LRP2: variants seen among roughly 807,000 people sequenced by gnomAD.
The protein encoded by LRP2 is LDL receptor related protein 2.
LRP2 carries 172 observed loss-of-function variants against 531.0 expected under a neutral mutation model. The ratio of observed to expected loss-of-function variants is 0.32; its 90% CI spans 0.29 to 0.37. The LOEUF (loss-of-function observed/expected upper bound fraction) is 0.37, where lower values mean the gene tolerates loss of function less well. Among genes scored for constraint, LRP2 ranks in the 10% least tolerant of loss-of-function variants. The pLI is 1.00. For missense variants in LRP2, 5,167 were observed against 5,868.3 expected, an observed-to-expected ratio of 0.88 and a Z score of 3.90; for synonymous variants, 1,992 against 2,027.6, an observed-to-expected ratio of 0.98 and a Z score of 0.47.
chr2:169,140,138 C>T (rs1241062785), intron 72 of LRP2, among the ~76,000 whole-genome samples: 2 of 152,312 alleles, frequency 1.3e-5, no homozygotes, highest in African/African-American at 2.4e-5. Context: ...AATGCTGCTG[C>T]CAATTCTCTA....
chr2:169,231,743 A>G lies in LRP2; in HGVS notation c.5198T>C (p.Leu1733Pro), dbSNP rs1689412334. ...YSCVCPSGWS[L>P]SPDLLNCLRD... Reference sequence around the variant, plus strand: ...CAAGCAATTCAGGAGATCAGGAGACAGACTCCATCCTGAAGGACAAACACA... The same window carrying G: ...CAAGCAATTCAGGAGATCAGGAGACGGACTCCATCCTGAAGGACAAACACA... The change falls in exon 31 of 79, where the codon CTG becomes CCG. Residue 1733 changes from leucine (L) to proline (P), a missense_variant. Leu to Pro is a moderately conservative substitution (Grantham distance 98). Coordinates refer to ENST00000649046, the MANE Select transcript of LRP2 (RefSeq NM_004525.3). 1.2e-6 allele frequency: 2 copies of G among 1,614,130 alleles called. No homozygotes were observed. The highest frequency in any genetic ancestry group is 1.7e-6 in the Non-Finnish European group (2 of 1,179,976).
Position 169,205,586 on chromosome 2 carries a change from T to C in LRP2, c.7608A>G (p.Thr2536=), listed in dbSNP as rs1379312853. ...TGGGTACGCGGAAGTTTCCTCCCAA[T>C]GTGGCTCTCTCGATTTTGGCATGTG... ...WDTHAKIERA[T]LGGNFRVPIV... is the part of the protein sequence containing the mutation. Residue 2536 remains threonine, a synonymous_variant, in exon 41 of 79, where the codon ACA becomes ACG. Coordinates refer to ENST00000649046, the MANE Select transcript of LRP2 (RefSeq NM_004525.3). 5 of 1,613,942 alleles carry C rather than the reference T, an allele frequency of 3.1e-6. No individual in the cohort carries two copies. The highest frequency in any genetic ancestry group is 3.3e-5 in the Admixed American group (2 of 60,008).
chr2:169,238,065 C>G, intron 27 of LRP2, 26 bp downstream of exon 27: 6 of 1,604,482 alleles, frequency 3.7e-6, no homozygotes, highest in Non-Finnish European at 5.1e-6. Context: ...ACTAGCCAGG[C>G]CAAAGGTCAA....
At chr2:169,173,322 C>A in intron 56 of LRP2, 98 bp from the exon 57 acceptor site, 1 of 1,471,648 alleles carries the variant, frequency 6.8e-7, no homozygotes. Context: ...TAACAATGAC[C>A]ATGTTACCAA....
At chr2:169,329,018 T>G (rs1685196513) in intron 1 of LRP2, among the ~76,000 whole-genome samples, 1 of 152,160 alleles carries the variant, frequency 6.6e-6, no homozygotes, top group African/African-American at 2.4e-5. Context: ...GAGCACAGAT[T>G]TACACTGAGG....
At chr2:169,237,353 T>C in intron 27 of LRP2, 66 bp from the exon 28 acceptor site, 3 of 1,242,234 alleles carry the variant, frequency 2.4e-6, no homozygotes, top group Non-Finnish European at 3.5e-6. Context: ...ATGGATATTA[T>C]ATAAAAATCT....
chr2:169,247,531 G>A lies in LRP2; in HGVS notation c.2771-16C>T, dbSNP rs756353991. On this transcript the variant is annotated splice_polypyrimidine_tract_variant and intron_variant, in intron 19 of 78. Transcript: ENST00000649046. ...AATAAATGCTCTGAAAAGAAACATG[G>A]GTAGATTAGTATTTTCAGTCACAGC... The A allele has an allele frequency of 6.2e-7, 1 of 1,613,604 alleles. No homozygotes were observed. Among genetic ancestry groups the A allele is most frequent in the Non-Finnish European group, 8.5e-7 (1 of 1,179,780 alleles).
At chr2:169,311,817 A>G (rs1478738457) in intron 3 of LRP2, among the ~76,000 whole-genome samples, 2 of 152,086 alleles carry the variant, frequency 1.3e-5, no homozygotes, top group Non-Finnish European at 2.9e-5. Context: ...GTCTCCCATT[A>G]TTATTGTGTG....
chr2:169,144,483 C>T (rs1685837428), intron 70 of LRP2, among the ~76,000 whole-genome samples: 2 of 150,508 alleles, frequency 1.3e-5, no homozygotes, highest in Admixed American at 6.7e-5. Flanking sequence ...AGCCTCCAGA[C>T]TTTCCTCTGC....
chr2:169,142,804 G>T lies in LRP2; in HGVS notation c.12989-11C>A. 1 of 1,613,708 alleles carries T rather than the reference G, an allele frequency of 6.2e-7. No individual in the cohort carries two copies. Among genetic ancestry groups the T allele is most frequent in the African/African-American group, 1.3e-5 (1 of 75,042 alleles). Reference sequence around the variant, plus strand: ...TGCAAAGGTTGGGCACTGGAAAGCGGGTGAGAACAGCAGTTAGGTCCTGAC... The same window carrying T: ...TGCAAAGGTTGGGCACTGGAAAGCGTGTGAGAACAGCAGTTAGGTCCTGAC... On this transcript the variant is annotated splice_polypyrimidine_tract_variant and intron_variant, in intron 70 of 78. Transcript: ENST00000649046.
At chr2:169,275,446 CT>C in intron 13 of LRP2, 1 of 557,408 alleles carries the variant, frequency 1.8e-6, no homozygotes, top group South Asian at 2.0e-5. Flanking sequence ...GGAAAAGACC[CT>C]TGAGACTTAC....
Position 169,138,688 on chromosome 2 carries a change from C to A in LRP2, c.13407G>T (p.Lys4469Asn). ...PKLPSLSSLV[K>N]PSENGNGVTF... ...TCACCCCATTCCCATTTTCAGAGGG[C>A]TTGACGAGACTGCTTAAGCTGGAAA... Residue 4469 changes from lysine to asparagine, a missense_variant, in exon 75 of 79, where the codon AAG (lysine) becomes AAT (asparagine). Coordinates refer to ENST00000649046, the MANE Select transcript of LRP2 (RefSeq NM_004525.3). 1 of 1,614,002 alleles carries A rather than the reference C, an allele frequency of 6.2e-7. No homozygotes were observed. Among genetic ancestry groups the A allele is most frequent in the South Asian group, 1.1e-5 (1 of 91,082 alleles).
intron 12 of LRP2, 52 bp from the exon 13 acceptor site, chr2:169,278,003 T>C (rs370951382): frequency 1.5e-4 from 229 of 1,497,154 alleles, no homozygotes; most frequent in Non-Finnish European, 2.1e-4. Flanking sequence ...CAAGTTAACC[T>C]GGGAATTTTT....
At chr2:169,357,595 G>T (rs1449546751) in intron 1 of LRP2, among the ~76,000 whole-genome samples, 1 of 152,074 alleles carries the variant, frequency 6.6e-6, no homozygotes, top group Admixed American at 6.5e-5. Context: ...ATCCCAAAGT[G>T]CTGGGATTAC....
At position 169,205,523 on chromosome 2, in the gene LRP2, A is replaced by C. The variant is rs1688345849; in HGVS notation, c.7671T>G (p.Thr2557=). Residue 2557 remains threonine, a synonymous_variant, in exon 41 of 79, where the codon ACT becomes ACG. Transcript: ENST00000649046. The stretch of plus-strand genomic sequence containing the variant: ...AGAGAAGGTCCTCTTCATAGTCCAG[A>C]GTCAGCCCACTGGGCATGACCAGAC... ...NSSLVMPSGL[T]LDYEEDLLYW... 2 of 1,614,050 alleles carry C rather than the reference A, an allele frequency of 1.2e-6. No individual in the cohort carries two copies.
intron 66 of LRP2, among the ~76,000 whole-genome samples, chr2:169,153,355 C>A (rs1183836181): frequency 6.6e-6 from 1 of 152,136 alleles, no homozygotes; most frequent in Non-Finnish European, 1.5e-5. Flanking sequence ...AATAAAGAAG[C>A]CATGTCAACG....
Position 169,131,254 on chromosome 2 carries a change from A to AGTGT in LRP2, c.13728+1316_13728+1319dup, listed in dbSNP as rs3835382. Among the ~76,000 whole-genome samples, 281 of 148,640 alleles carry AGTGT rather than the reference A, an allele frequency of 1.9e-3. 1 individual carries two copies. The highest frequency in any genetic ancestry group is 8.2e-3 in the South Asian group (38 of 4,618). ...ATTTATGTATGTCTGTGAGTGTATG[A>AGTGT]GTGTGTGTGTGTGTGTGTGTGTGTG... On this transcript the variant is annotated intron_variant, in intron 77 of 78. Transcript: ENST00000649046.
chr2:169,163,456 A>G (rs1278903411), intron 62 of LRP2, among the ~76,000 whole-genome samples: 1 of 152,204 alleles, frequency 6.6e-6, no homozygotes, highest in East Asian at 1.9e-4. Flanking sequence ...GGCCCAATAA[A>G]ACCTCCTCAT....
intron 52 of LRP2, 66 bp from the exon 53 acceptor site, chr2:169,178,092 TAA>T: frequency 8.5e-7 from 1 of 1,174,218 alleles, no homozygotes; most frequent in Non-Finnish European, 1.3e-6. Context: ...TCTTGCAGGA[TAA>T]AAGAATTCAC....
Sources: gnomAD v4.1 joint callset for allele counts (sites outside exome capture counted in the v4.1 genomes callset) on GRCh38, gnomAD v4.1.1 for gene constraint, MANE v1.5 for transcripts, NCBI Gene and HGNC (gene_info 2026-07-23, HGNC 2026-07-21) for gene names.